NAV2: variants seen among roughly 807,000 people sequenced by gnomAD.
The protein encoded by NAV2 is neuron navigator 2.
NAV2 carries 54 observed loss-of-function variants against 223.2 expected under a neutral mutation model. The observed-to-expected ratio is 0.24, with a 90% CI of 0.19 to 0.30. NAV2 has a LOEUF of 0.30. NAV2 is among the 10% of genes least tolerant of loss of function. The pLI is 1.00. For synonymous variants in NAV2, 1,279 were observed against 1,239.3 expected, an observed-to-expected ratio of 1.03 and a Z score of -0.67; for missense variants, 2,806 against 3,147.5, an observed-to-expected ratio of 0.89 and a Z score of 2.60.
At chr11:19,916,505 A>C (rs1017307281) in intron 6 of NAV2, among the ~76,000 whole-genome samples, 1 of 152,260 alleles carries the variant, frequency 6.6e-6, no homozygotes, top group Non-Finnish European at 1.5e-5. Flanking sequence ...ATTTCCAATT[A>C]GTGTCTTTGC....
Position 19,492,644 on chromosome 11 carries a change from A to G in NAV2, c.75+141617A>G, listed in dbSNP as rs185494112. Among the ~76,000 whole-genome samples, 179 of 152,264 alleles carry G rather than the reference A, an allele frequency of 1.2e-3. 2 individuals carry two copies. Among genetic ancestry groups the G allele is most frequent in the African/African-American group, 4.0e-3 (165 of 41,558 alleles). On this transcript the variant is annotated intron_variant, in intron 1 of 37. Transcript: ENST00000360655. ...CTTATATAAAAATAAACATTTGTCT[A>G]TTTAAACAATTGCTATTTTGACTTC...
intron 1 of NAV2, among the ~76,000 whole-genome samples, chr11:19,627,846 T>C (rs1376557709): frequency 6.7e-6 from 1 of 149,014 alleles, no homozygotes; most frequent in Non-Finnish European, 1.5e-5. Context: ...TAATCCGACA[T>C]ATACCTCTCC....
intron 1 of NAV2, among the ~76,000 whole-genome samples, chr11:19,465,954 CAACT>C (rs1356474778): frequency 6.6e-6 from 1 of 152,264 alleles, no homozygotes; most frequent in African/African-American, 2.4e-5. Flanking sequence ...CAGAGAGCAC[CAACT>C]GTTTCCCACA....
chr11:19,910,260 C>T (rs1317449312), intron 6 of NAV2, among the ~76,000 whole-genome samples: 1 of 152,228 alleles, frequency 6.6e-6, no homozygotes, highest in Non-Finnish European at 1.5e-5. Flanking sequence ...TGCTATCATA[C>T]AAGCTAGTTT....
chr11:19,576,776 A>G (rs901626415), intron 1 of NAV2, among the ~76,000 whole-genome samples: 1 of 152,192 alleles, frequency 6.6e-6, no homozygotes, highest in Non-Finnish European at 1.5e-5. Context: ...TGTGGGCTTC[A>G]GAAGGGAACC....
Position 19,594,246 on chromosome 11 carries a change from G to A in NAV2, c.76-238238G>A, listed in dbSNP as rs4757823. Among the ~76,000 whole-genome samples the A allele has an allele frequency of 4.2e-3, 645 of 152,184 alleles. 20 individuals are homozygous for A. Among genetic ancestry groups the A allele is most frequent in the Admixed American group, 0.036 (557 of 15,282 alleles). ...TAGAGGGACTTCGTACCAGGTCATCGGCCCATTTACCAGGTTGAGGAGTTG... is the reference window on the plus strand; with the variant it reads ...TAGAGGGACTTCGTACCAGGTCATCAGCCCATTTACCAGGTTGAGGAGTTG... On this transcript the variant is annotated intron_variant, in intron 1 of 37. Coordinates refer to the NAV2 transcript ENST00000360655.
At position 19,933,229 on chromosome 11, in the gene NAV2, G is replaced by A. The variant is rs150902509; in HGVS notation, c.985G>A (p.Ala329Thr). The A allele has an allele frequency of 3.2e-6, 5 of 1,584,818 alleles. No homozygotes were observed. Among genetic ancestry groups the A allele is most frequent in the Non-Finnish European group, 4.3e-6 (5 of 1,164,840 alleles). Residue 329 changes from alanine to threonine, a missense_variant, in exon 7 of 38, where the codon GCT (alanine) becomes ACT (threonine). Transcript: ENST00000349880. This position sits in a 1 kb window ranked among gnomAD's most constrained non-coding sequence, Gnocchi z 4.3. ...SHPGMSDNAP[A>T]SLESGSSSTP... ...CCCCGGAATGAGTGACAATGCACCT[G>A]CTTCCTTGGAGAGCGGCAGCAGCTC... is the stretch of plus-strand genomic sequence containing the variant.
intron 4 of NAV2, among the ~76,000 whole-genome samples, chr11:19,869,496 A>G (rs2062329731): frequency 6.6e-6 from 1 of 152,170 alleles, no homozygotes; most frequent in Non-Finnish European, 1.5e-5. Context: ...TTAGTTTTTA[A>G]TTAAATTTGG....
chr11:20,057,708 G>A (rs1398377492), intron 19 of NAV2, among the ~76,000 whole-genome samples: 1 of 152,178 alleles, frequency 6.6e-6, no homozygotes, highest in East Asian at 1.9e-4. Flanking sequence ...GTGTCTTCCT[G>A]AGTGAACCAC....
chr11:19,622,828 G>T (rs1169085882), intron 1 of NAV2, among the ~76,000 whole-genome samples: 3 of 152,126 alleles, frequency 2.0e-5, no homozygotes, highest in African/African-American at 7.2e-5. Flanking sequence ...TGAGTATTTT[G>T]CTCGTTAGTT....
intron 1 of NAV2, among the ~76,000 whole-genome samples, chr11:19,562,685 T>C (rs1028311819): frequency 7.0e-6 from 1 of 142,376 alleles, no homozygotes; most frequent in Admixed American, 6.8e-5. Flanking sequence ...TAATGCCTCA[T>C]TGTGAAGAGA....
At chr11:20,094,900 C>A (rs1458638581) in intron 29 of NAV2, among the ~76,000 whole-genome samples, 2 of 152,286 alleles carry the variant, frequency 1.3e-5, no homozygotes, top group East Asian at 3.9e-4. Flanking sequence ...CATGTAAAAA[C>A]CCAATATTAT....
At chr11:19,868,378 C>T (rs1028227514) in intron 3 of NAV2, among the ~76,000 whole-genome samples, 16 of 152,194 alleles carry the variant, frequency 1.1e-4, no homozygotes, top group African/African-American at 3.1e-4. Flanking sequence ...CACAGACTCT[C>T]GTGGGTCCTT....
At chr11:20,107,567 G>C (rs2062249155) in intron 35 of NAV2, 97 bp from the exon 36 acceptor site, 3 of 922,040 alleles carry the variant, frequency 3.3e-6, no homozygotes, top group Admixed American at 1.9e-5. Context: ...GAACGTCTAG[G>C]GTCCCTCCTG....
intron 4 of NAV2, among the ~76,000 whole-genome samples, chr11:19,874,076 A>G (rs1410826348): frequency 2.6e-5 from 4 of 152,162 alleles, no homozygotes; most frequent in Non-Finnish European, 5.9e-5. Context: ...GTTTCTTTGT[A>G]TTAGATTATT....
chr11:19,543,544 A>C (rs1358026803), intron 1 of NAV2, among the ~76,000 whole-genome samples: 4 of 152,206 alleles, frequency 2.6e-5, no homozygotes, highest in African/African-American at 9.7e-5. Flanking sequence ...GGAAAGGTTC[A>C]GAATGGCATA....
At chr11:19,969,295 A>C (rs1391724300) in intron 10 of NAV2, among the ~76,000 whole-genome samples, 1 of 152,178 alleles carries the variant, frequency 6.6e-6, no homozygotes, top group Non-Finnish European at 1.5e-5. Flanking sequence ...TTCCCAATAC[A>C]GTGGACTCTT....
intron 1 of NAV2, among the ~76,000 whole-genome samples, chr11:19,411,440 C>G (rs1339722883): frequency 6.6e-6 from 1 of 152,150 alleles, no homozygotes; most frequent in East Asian, 1.9e-4. Flanking sequence ...CACAGAGGAC[C>G]TGGAGTCATT....
At chr11:20,034,361 TG>T (rs2056123978) in intron 11 of NAV2, among the ~76,000 whole-genome samples, 3 of 45,208 alleles carry the variant, frequency 6.6e-5, no homozygotes, top group African/African-American at 1.6e-4. Flanking sequence ...GTTTTTTTTT[TG>T]TTTTTTTTTT....
Sources: allele counts gnomAD v4.1 joint callset (sites outside exome capture counted in the v4.1 genomes callset), GRCh38; gene constraint gnomAD v4.1.1; non-coding constraint Gnocchi (gnomAD v3.1); transcripts MANE v1.5; gene names NCBI Gene and HGNC (gene_info 2026-07-23, HGNC 2026-07-21).